BICC1: variants seen among roughly 807,000 people sequenced by gnomAD.
BICC1 encodes protein bicaudal C homolog 1.
A neutral mutation model predicts 111.0 loss-of-function variants in BICC1; 43 were observed. The ratio of observed to expected loss-of-function variants is 0.39; its 90% CI spans 0.30 to 0.50. The LOEUF (loss-of-function observed/expected upper bound fraction) is 0.50. BICC1 is among the 20% of genes least tolerant of loss of function. The pLI is 0.88. For missense variants in BICC1, 1,091 were observed against 1,203.2 expected, an observed-to-expected ratio of 0.91 and a Z score of 1.38; for synonymous variants, 467 against 434.4, an observed-to-expected ratio of 1.07 and a Z score of -0.93.
intron 2 of BICC1, among the ~76,000 whole-genome samples, chr10:58,639,630 T>C (rs1220114106): frequency 1.3e-5 from 2 of 148,170 alleles, no homozygotes; most frequent in East Asian, 4.0e-4. Context: ...TTGGCCAGCC[T>C]GGTCTCGAAC....
chr10:58,718,905 A>G (rs780348574), intron 3 of BICC1, among the ~76,000 whole-genome samples: 2 of 152,212 alleles, frequency 1.3e-5, no homozygotes, highest in African/African-American at 4.8e-5. Context: ...TGTAACAGAA[A>G]GATGATACAA....
At chr10:58,739,334 GA>G (rs1841578233) in intron 3 of BICC1, among the ~76,000 whole-genome samples, 1 of 152,166 alleles carries the variant, frequency 6.6e-6, no homozygotes. Flanking sequence ...CGTCTATTGA[GA>G]TAATCATATG....
rs147555368 is a variant in BICC1, at chr10:58,595,678, C to T, written c.191-25177C>T. On this transcript the variant is annotated intron_variant, in intron 1 of 20. Coordinates refer to ENST00000373886, the MANE Select transcript of BICC1 (RefSeq NM_001080512.3). ...TCTTTGAAACCAATGAGAATGAAGA[C>T]GCAACATACCAGAATCTCTGGGACA... Among the ~76,000 whole-genome samples, 1,070 of 152,154 alleles carry T rather than the reference C, an allele frequency of 7.0e-3. 9 individuals are homozygous for T. Among genetic ancestry groups the T allele is most frequent in the African/African-American group, 0.024 (1,010 of 41,522 alleles).
At chr10:58,530,398 C>T (rs919714772) in intron 1 of BICC1, among the ~76,000 whole-genome samples, 8 of 151,882 alleles carry the variant, frequency 5.3e-5, no homozygotes, top group Non-Finnish European at 8.8e-5. Context: ...GGTCTGTCAG[C>T]TTCTGTTCCC....
chr10:58,794,306 T>A (rs886513762), intron 9 of BICC1, among the ~76,000 whole-genome samples: 1 of 152,050 alleles, frequency 6.6e-6, no homozygotes, highest in Non-Finnish European at 1.5e-5. Flanking sequence ...CTGTGCTTTT[T>A]TGTAAATACT....
chr10:58,751,405 T>G (rs1227340093), intron 3 of BICC1, among the ~76,000 whole-genome samples: 1 of 152,166 alleles, frequency 6.6e-6, no homozygotes, highest in Non-Finnish European at 1.5e-5. Flanking sequence ...TAATAAATAT[T>G]TGTAATAAAA....
chr10:58,542,884 G>A (rs891312800), intron 1 of BICC1, among the ~76,000 whole-genome samples: 1 of 151,930 alleles, frequency 6.6e-6, no homozygotes, highest in Non-Finnish European at 1.5e-5. Context: ...GTGTTGGTTA[G>A]GATCTGGAGA....
intron 3 of BICC1, among the ~76,000 whole-genome samples, chr10:58,709,460 CTG>C (rs1357879623): frequency 6.6e-6 from 1 of 152,238 alleles, no homozygotes; most frequent in Non-Finnish European, 1.5e-5. Flanking sequence ...TTGTAGAACA[CTG>C]TGCTAGGTGG....
chr10:58,653,831 C>CT (rs1838533767), intron 2 of BICC1, among the ~76,000 whole-genome samples: 1 of 113,910 alleles, frequency 8.8e-6, no homozygotes, highest in Admixed American at 1.0e-4. Context: ...TCCCTCCCCC[C>CT]TCCCCCCACC....
chr10:58,725,228 A>T (rs909685626), intron 3 of BICC1, among the ~76,000 whole-genome samples: 1 of 152,196 alleles, frequency 6.6e-6, no homozygotes, highest in African/African-American at 2.4e-5. Flanking sequence ...ATCATGCAAG[A>T]CATGTACATT....
chr10:58,658,906 C>T (rs545904399), intron 2 of BICC1, among the ~76,000 whole-genome samples: 26 of 152,224 alleles, frequency 1.7e-4, no homozygotes, highest in Middle Eastern at 3.4e-3. Context: ...ATCTGGGCCT[C>T]AGTGGGTTAA....
At chr10:58,687,855 C>T (rs1050120644) in intron 2 of BICC1, among the ~76,000 whole-genome samples, 5 of 152,170 alleles carry the variant, frequency 3.3e-5, no homozygotes, top group Non-Finnish European at 5.9e-5. Context: ...CCGTGGGCTG[C>T]ACCCACTGTC....
chr10:58,693,385 A>T (rs1208757925), intron 2 of BICC1, among the ~76,000 whole-genome samples: 7 of 152,276 alleles, frequency 4.6e-5, no homozygotes, highest in Middle Eastern at 3.4e-3. Flanking sequence ...CAGTAATGGG[A>T]TGGCTGGGTC....
chr10:58,694,766 T>C (rs1840020980), intron 2 of BICC1, among the ~76,000 whole-genome samples: 1 of 152,154 alleles, frequency 6.6e-6, no homozygotes, highest in South Asian at 2.1e-4. Context: ...ATTTGGGGGC[T>C]ATCTCTGGGT....
intron 2 of BICC1, among the ~76,000 whole-genome samples, chr10:58,670,149 T>C (rs938086941): frequency 1.3e-5 from 2 of 152,150 alleles, no homozygotes; most frequent in Non-Finnish European, 2.9e-5. Flanking sequence ...AAATATTTGC[T>C]TTATCACATA....
At chr10:58,613,572 G>C (rs751076519) in intron 1 of BICC1, among the ~76,000 whole-genome samples, 3 of 151,926 alleles carry the variant, frequency 2.0e-5, no homozygotes, top group Non-Finnish European at 4.4e-5. Flanking sequence ...TTTTTCTTCC[G>C]ATCCAGCTCT....
At chr10:58,751,795 G>A (rs1258343044) in intron 3 of BICC1, among the ~76,000 whole-genome samples, 6 of 152,066 alleles carry the variant, frequency 3.9e-5, no homozygotes, top group Non-Finnish European at 8.8e-5. Flanking sequence ...TATTTTTAAA[G>A]TGCCTGAAGC....
intron 2 of BICC1, among the ~76,000 whole-genome samples, chr10:58,629,407 A>T (rs1837728646): frequency 6.6e-6 from 1 of 152,086 alleles, no homozygotes; most frequent in African/African-American, 2.4e-5. Context: ...TTAATACAAG[A>T]TAAATGTTTT....
intron 2 of BICC1, among the ~76,000 whole-genome samples, chr10:58,635,328 TGTAATTTGTGGC>T (rs1564523929): frequency 6.6e-6 from 1 of 152,274 alleles, no homozygotes; most frequent in Non-Finnish European, 1.5e-5. Flanking sequence ...TACAGAAATA[TGTAATTTGTGGC>T]ACTTCCCAGT....
Sources: gnomAD v4.1 joint callset for allele counts (sites outside exome capture counted in the v4.1 genomes callset) on GRCh38, gnomAD v4.1.1 for gene constraint, MANE v1.5 for transcripts, NCBI Gene and HGNC (gene_info 2026-07-23, HGNC 2026-07-21) for gene names.